The following ZNF804B variants were observed in gnomAD, a reference collection of about 807,000 sequenced individuals.
The protein encoded by ZNF804B is zinc finger protein 804B.
ZNF804B carries 80 observed loss-of-function variants against 101.4 expected under a neutral mutation model. That is an observed-to-expected ratio of 0.79 (90% CI 0.66 to 0.95). The LOEUF is 0.95. Ranked by LOEUF, ZNF804B falls within the 40% of genes least tolerant of loss-of-function variation. ZNF804B has a pLI of 0.00. For synonymous variants in ZNF804B, 622 were observed against 558.8 expected, an observed-to-expected ratio of 1.11 and a Z score of -1.59; for missense variants, 1,673 against 1,561.9, an observed-to-expected ratio of 1.07 and a Z score of -1.20.
Position 88,810,265 on chromosome 7 carries a change from A to G in ZNF804B, c.108+50181A>G, listed in dbSNP as rs369393588. Among the ~76,000 whole-genome samples, 3 of 151,970 alleles carry G rather than the reference A, an allele frequency of 2.0e-5. No homozygotes were observed. The East Asian group carries it at 5.8e-4, about 29-fold the overall frequency. On this transcript the variant is annotated intron_variant, in intron 1 of 3. Transcript: ENST00000333190. ...GTTTTCTACCTTGCTTTTACCACTT[A>G]GTAACATGTTATGAATTCCTGTTAT...
intron 1 of ZNF804B, among the ~76,000 whole-genome samples, chr7:88,877,858 A>G (rs1791975679): frequency 6.6e-6 from 1 of 152,150 alleles, no homozygotes; most frequent in Non-Finnish European, 1.5e-5. Context: ...AATTAAATGA[A>G]AAGTTGTGTG....
intron 1 of ZNF804B, among the ~76,000 whole-genome samples, chr7:89,181,865 T>G (rs551667973): frequency 1.3e-5 from 2 of 152,230 alleles, no homozygotes; most frequent in African/African-American, 4.8e-5. Flanking sequence ...GTTCCCTTAT[T>G]GTGTATAATT....
intron 1 of ZNF804B, among the ~76,000 whole-genome samples, chr7:88,910,495 C>T (rs1792532452): frequency 6.6e-6 from 1 of 151,784 alleles, no homozygotes; most frequent in Non-Finnish European, 1.5e-5. Context: ...AATATTTTAA[C>T]CATCAAATAA....
chr7:89,127,137 C>T (rs749913499), intron 1 of ZNF804B, among the ~76,000 whole-genome samples: 1 of 151,780 alleles, frequency 6.6e-6, no homozygotes, highest in African/African-American at 2.4e-5. Context: ...GAGATTGTGT[C>T]AAAGAATATG....
intron 1 of ZNF804B, among the ~76,000 whole-genome samples, chr7:88,883,971 T>C (rs1373345358): frequency 2.0e-5 from 3 of 152,048 alleles, no homozygotes; most frequent in Admixed American, 1.3e-4. Context: ...AATCACATTA[T>C]AGATTACAGA....
chr7:89,173,228 A>C (rs528047886), intron 1 of ZNF804B, among the ~76,000 whole-genome samples: 2 of 152,204 alleles, frequency 1.3e-5, no homozygotes, highest in South Asian at 2.1e-4. Flanking sequence ...ATTATTTTAT[A>C]ATCCAGCCTA....
Position 88,801,871 on chromosome 7 carries a change from C to T in ZNF804B, c.108+41787C>T, listed in dbSNP as rs369314552. On this transcript the variant is annotated intron_variant, in intron 1 of 3. Transcript: ENST00000333190. ...GAGGAAAAATAGTTATTCACTGAAACGAATAGCATAATATGAAAAATTATA... is the reference window on the plus strand; with the variant it reads ...GAGGAAAAATAGTTATTCACTGAAATGAATAGCATAATATGAAAAATTATA... Among the ~76,000 whole-genome samples the T allele has an allele frequency of 1.8e-4, 28 of 152,020 alleles. No homozygotes were observed. In the East Asian group the frequency reaches 3.9e-3, roughly 21 times the overall value.
At chr7:89,097,994 T>C (rs1434827286) in intron 1 of ZNF804B, among the ~76,000 whole-genome samples, 2 of 152,190 alleles carry the variant, frequency 1.3e-5, no homozygotes, top group Non-Finnish European at 2.9e-5. Context: ...AGAAGCTATA[T>C]AATAACATAA....
chr7:89,100,950 A>G (rs953049459), intron 1 of ZNF804B, among the ~76,000 whole-genome samples: 9 of 152,162 alleles, frequency 5.9e-5, no homozygotes, highest in Middle Eastern at 3.4e-3. Flanking sequence ...GTGTATGTGT[A>G]TATACACAGG....
intron 1 of ZNF804B, among the ~76,000 whole-genome samples, chr7:88,950,392 T>G (rs1318675108): frequency 6.6e-6 from 1 of 151,858 alleles, no homozygotes; most frequent in Non-Finnish European, 1.5e-5. Flanking sequence ...TAGAGTCTGT[T>G]TTAAGTTAGA....
At chr7:89,258,626 T>A (rs1789669606) in intron 2 of ZNF804B, among the ~76,000 whole-genome samples, 1 of 152,140 alleles carries the variant, frequency 6.6e-6, no homozygotes, top group Non-Finnish European at 1.5e-5. Flanking sequence ...CAGTCAGACA[T>A]CCATGTATAA....
intron 1 of ZNF804B, among the ~76,000 whole-genome samples, chr7:88,876,277 G>A (rs1791938165): frequency 6.6e-6 from 1 of 152,026 alleles, no homozygotes; most frequent in Non-Finnish European, 1.5e-5. Context: ...AATTCCTTAA[G>A]TGACTCTTTC....
intron 1 of ZNF804B, among the ~76,000 whole-genome samples, chr7:88,763,588 A>ATT (rs1337155494): frequency 6.6e-6 from 1 of 151,766 alleles, no homozygotes; most frequent in Non-Finnish European, 1.5e-5. Context: ...ATGAGAGAGG[A>ATT]TTTTATGGTG....
chr7:89,082,756 T>A (rs967077710), intron 1 of ZNF804B, among the ~76,000 whole-genome samples: 1 of 151,806 alleles, frequency 6.6e-6, no homozygotes, highest in Non-Finnish European at 1.5e-5. Flanking sequence ...TAGCTATCAT[T>A]TGCATGGTAC....
At chr7:89,295,597 T>C (rs1790369557) in intron 2 of ZNF804B, among the ~76,000 whole-genome samples, 2 of 152,150 alleles carry the variant, frequency 1.3e-5, no homozygotes, top group Non-Finnish European at 2.9e-5. Flanking sequence ...ATTTATATTT[T>C]ATAAATTATA....
intron 1 of ZNF804B, among the ~76,000 whole-genome samples, chr7:88,938,200 T>C (rs1274972911): frequency 1.3e-5 from 2 of 151,978 alleles, no homozygotes; most frequent in African/African-American, 4.8e-5. Flanking sequence ...AGATCTAGGA[T>C]TGATAGAAAG....
intron 1 of ZNF804B, among the ~76,000 whole-genome samples, chr7:89,081,547 A>G (rs555939818): frequency 1.1e-4 from 16 of 151,986 alleles, no homozygotes; most frequent in Non-Finnish European, 2.1e-4. Flanking sequence ...ATATAACTCA[A>G]TCACTTATGG....
At chr7:89,178,318 G>GT (rs1246643690) in intron 1 of ZNF804B, among the ~76,000 whole-genome samples, 1 of 142,068 alleles carries the variant, frequency 7.0e-6, no homozygotes, top group African/African-American at 2.6e-5. Flanking sequence ...TTTTTTTCTG[G>GT]TGGTTTTGTG....
At chr7:89,174,443 A>G (rs1421811852) in intron 1 of ZNF804B, among the ~76,000 whole-genome samples, 2 of 151,888 alleles carry the variant, frequency 1.3e-5, no homozygotes, top group Non-Finnish European at 2.9e-5. Flanking sequence ...TTCCTTTTTT[A>G]TGGCTGAATA....
Sources: allele counts gnomAD v4.1 joint callset (sites outside exome capture counted in the v4.1 genomes callset), GRCh38; gene constraint gnomAD v4.1.1; transcripts MANE v1.5; gene names NCBI Gene and HGNC (gene_info 2026-07-23, HGNC 2026-07-21).